Variants in JAML observed in about 807,000 individuals in gnomAD.
JAML encodes junction adhesion molecule like, also known as junctional adhesion molecule-like.
Under a neutral mutation model 39.3 loss-of-function variants are expected in JAML, and 25 were observed. The observed-to-expected ratio is 0.64, with a 90% CI of 0.46 to 0.89. JAML has a LOEUF of 0.89. Among genes scored for constraint, JAML ranks in the 40% least tolerant of loss-of-function variants. The probability of loss-of-function intolerance (pLI) is 0.00; values close to 1 mark genes in which losing one functional copy is unlikely to be tolerated. For synonymous variants in JAML, 162 were observed against 179.2 expected (o/e 0.90, Z 0.77); for missense variants, 440 against 486.9 (o/e 0.90, Z 0.91).
rs140208758 is a variant in JAML, at chr11:118,221,053, T to G, written c.-21+3888A>C. On this transcript the variant is annotated intron_variant, in intron 1 of 9. Transcript: ENST00000356289. Reference sequence around the variant, plus strand: ...AGCTCCCTGTCATAGAGATGCCTCCTCTACCCCTTTCTGGAAATACCTTTT... The same window carrying G: ...AGCTCCCTGTCATAGAGATGCCTCCGCTACCCCTTTCTGGAAATACCTTTT... Among the ~76,000 whole-genome samples the G allele has an allele frequency of 2.3e-3, 357 of 152,332 alleles. 2 individuals carry two copies. The highest frequency in any genetic ancestry group is 8.3e-3 in the African/African-American group (345 of 41,574).
rs748772387 is a variant in JAML, at chr11:118,214,855, T to C, written c.12A>G (p.Pro4=). ...ACACTGGCAGCAGGATGAGTTTCAG[T>C]GGGCAAAACATGCTGCTCTCAACTT... MFC[P]LKLILLPVLL... Residue 4 remains proline, a synonymous_variant, in exon 2 of 10, where the codon CCA becomes CCG. Transcript: ENST00000356289. 8.1e-6 allele frequency: 13 copies of C among 1,614,006 alleles called. No individual in the cohort carries two copies. Among genetic ancestry groups the C allele is most frequent in the East Asian group, 6.7e-5 (3 of 44,890 alleles).
At chr11:118,198,213 G>A in intron 7 of JAML, 122 bp from the exon 8 acceptor site, 1 of 796,622 alleles carries the variant, frequency 1.3e-6, no homozygotes, top group Non-Finnish European at 2.1e-6. Flanking sequence ...TATTCTCTCT[G>A]GACTCCTACA....
chr11:118,212,511 C>G lies in JAML; in HGVS notation c.94G>C (p.Val32Leu). Residue 32 changes from valine (V) to leucine (L), a missense_variant, in exon 3 of 10, where the codon GTC becomes CTC. Val to Leu is a conservative substitution (Grantham distance 32). Coordinates refer to ENST00000356289, the MANE Select transcript of JAML (RefSeq NM_001098526.2). ...DLNVSPPELTVHVGDSALMGC... is the reference protein window; with the variant it reads ...DLNVSPPELTLHVGDSALMGC... The stretch of plus-strand genomic sequence containing the variant: ...ATCAGAGCTGAATCACCCACATGGA[C>G]TGTTAGCTCAGGCGGGGAAACATTC... 3 of 1,614,190 alleles carry G rather than the reference C, an allele frequency of 1.9e-6. No homozygotes were observed. The highest frequency in any genetic ancestry group is 2.5e-6 in the Non-Finnish European group (3 of 1,180,026).
chr11:118,208,249 G>A (rs941946228), intron 4 of JAML, among the ~76,000 whole-genome samples: 1 of 151,950 alleles, frequency 6.6e-6, no homozygotes, highest in Admixed American at 6.6e-5. Context: ...AAAAGAGAGA[G>A]AGAGAGAGAA....
chr11:118,202,897 C>T, intron 6 of JAML: 1 of 454,636 alleles, frequency 2.2e-6, no homozygotes, highest in Non-Finnish European at 4.4e-6. Context: ...AGTCTTTCCT[C>T]TCCTACACAG....
At position 118,213,171 on chromosome 11, in the gene JAML, G is replaced by A. The variant is rs1591478431; in HGVS notation, c.44-610C>T. On this transcript the variant is annotated intron_variant, in intron 2 of 9. Coordinates refer to ENST00000356289, the MANE Select transcript of JAML (RefSeq NM_001098526.2). The stretch of plus-strand genomic sequence containing the variant: ...TTGCCATCAGCTTTCCAGCCTCTAG[G>A]TGCTTCACACAGGGACCCCTGCCCA... The A allele has an allele frequency of 6.5e-6, 9 of 1,394,908 alleles. No individual in the cohort carries two copies. The East Asian group carries it at 2.1e-4, about 33-fold the overall frequency. 86.4% of individuals were successfully genotyped at this position (1,394,908 alleles called of 1,614,324 possible).
At chr11:118,212,872 C>A (rs760151534) in intron 2 of JAML, 13 of 1,614,220 alleles carry the variant, frequency 8.1e-6, no homozygotes, top group Non-Finnish European at 1.1e-5. Flanking sequence ...CCCCAGAAGT[C>A]TCTCCTTTCT....
At chr11:118,211,986 A>ATGCCTAT (rs573292334) in intron 3 of JAML, among the ~76,000 whole-genome samples, 83 of 148,806 alleles carry the variant, frequency 5.6e-4, no homozygotes, top group Admixed American at 1.8e-3. Context: ...CCTAGGTCAG[A>ATGCCTAT]GCTCTCCTTT....
intron 1 of JAML, among the ~76,000 whole-genome samples, chr11:118,219,707 G>A (rs1949188947): frequency 6.6e-6 from 1 of 152,176 alleles, no homozygotes; most frequent in Non-Finnish European, 1.5e-5. Context: ...GCCCTAGCTA[G>A]TCACTACCCG....
At chr11:118,223,462 A>C (rs550999923) in intron 1 of JAML, among the ~76,000 whole-genome samples, 50 of 152,324 alleles carry the variant, frequency 3.3e-4, no homozygotes, top group South Asian at 6.2e-4. Flanking sequence ...ATACTAATGC[A>C]AAGGTGAAAT....
intron 5 of JAML, chr11:118,204,085 C>T: frequency 5.1e-6 from 1 of 197,038 alleles, no homozygotes; most frequent in Non-Finnish European, 1.1e-5. Context: ...CATGGCAATG[C>T]TTTCCTCCAG....
intron 1 of JAML, among the ~76,000 whole-genome samples, chr11:118,221,719 G>A (rs1269902968): frequency 1.3e-5 from 2 of 152,166 alleles, no homozygotes; most frequent in African/African-American, 4.8e-5. Context: ...CTCTCACAGT[G>A]GTGCCCTGGG....
intron 7 of JAML, among the ~76,000 whole-genome samples, chr11:118,200,155 T>A (rs763131022): frequency 4.6e-5 from 7 of 152,152 alleles, no homozygotes; most frequent in Admixed American, 1.3e-4. Context: ...AAAAATCATC[T>A]TTTAGGCAGT....
rs370877046 is a variant in JAML, at chr11:118,196,829, G to A, written c.1006-8C>T. 39 of 1,598,032 alleles carry A rather than the reference G, an allele frequency of 2.4e-5. No homozygotes were observed. The highest frequency in any genetic ancestry group is 3.2e-5 in the Non-Finnish European group (37 of 1,165,652). On this transcript the variant is annotated splice_region_variant and splice_polypyrimidine_tract_variant and intron_variant, in intron 8 of 9. Coordinates refer to ENST00000356289, the MANE Select transcript of JAML (RefSeq NM_001098526.2). ...TGGGGAGTAAATGTGTTTCTAGAGG[G>A]GGAAAATGGTACAAAAATTCCTAAA...
intron 4 of JAML, among the ~76,000 whole-genome samples, chr11:118,207,748 GA>G (rs563807343): frequency 7.4e-5 from 11 of 148,806 alleles, no homozygotes; most frequent in East Asian, 2.0e-4. Flanking sequence ...CTAGCTGGAA[GA>G]AAAAAAAAAT....
intron 6 of JAML, chr11:118,201,011 C>T (rs888454877): frequency 2.3e-4 from 40 of 173,158 alleles, no homozygotes; most frequent in South Asian, 1.4e-3. Flanking sequence ...AGTGACGATA[C>T]CAAGTAAAGC....
chr11:118,196,647 G>A (rs967518194), intron 9 of JAML, 88 bp downstream of exon 9: 2 of 1,097,504 alleles, frequency 1.8e-6, no homozygotes, highest in East Asian at 4.7e-5. Flanking sequence ...GCCCTCAGCA[G>A]CCTCCCTTGG....
rs762392129 is a variant in JAML, at chr11:118,194,308, G to T, written c.*17C>A. The T allele has an allele frequency of 3.1e-6, 5 of 1,604,112 alleles. No individual in the cohort carries two copies. Among genetic ancestry groups the T allele is most frequent in the East Asian group, 2.2e-5 (1 of 44,788 alleles). On this transcript the variant is annotated 3_prime_UTR_variant, in exon 10 of 10. Coordinates refer to ENST00000356289, the MANE Select transcript of JAML (RefSeq NM_001098526.2). ...GAGTCTCCACCGCTGCTGAGATGAAGGGACTCTCCATTCTTCTCAAAAGGC... is the reference window on the plus strand; with the variant it reads ...GAGTCTCCACCGCTGCTGAGATGAATGGACTCTCCATTCTTCTCAAAAGGC...
chr11:118,223,152 A>T (rs1949227318), intron 1 of JAML, among the ~76,000 whole-genome samples: 2 of 151,598 alleles, frequency 1.3e-5, no homozygotes, highest in Admixed American at 6.6e-5. Flanking sequence ...AAGCAAGTTG[A>T]AAAGGGTTTG....
Sources: gnomAD v4.1 joint callset for allele counts (sites outside exome capture counted in the v4.1 genomes callset) on GRCh38, gnomAD v4.1.1 for gene constraint, MANE v1.5 for transcripts, NCBI Gene and HGNC (gene_info 2026-07-23, HGNC 2026-07-21) for gene names.